Variants in CPED1 observed in about 807,000 individuals in gnomAD.
CPED1 encodes the protein cadherin-like and PC-esterase domain-containing protein 1.
A neutral mutation model predicts 128.2 loss-of-function variants in CPED1; 114 were observed. That is an observed-to-expected ratio of 0.89 (90% CI 0.76 to 1.04). The LOEUF (loss-of-function observed/expected upper bound fraction) is 1.04, where lower values mean the gene tolerates loss of function less well. Among genes scored for constraint, CPED1 ranks in the 50% least tolerant of loss-of-function variants. CPED1 has a pLI of 0.00. For missense variants in CPED1, 1,211 were observed against 1,207.1 expected (o/e 1.00, Z -0.05); for synonymous variants, 462 against 426.7 (o/e 1.08, Z -1.02).
At chr7:121,256,137 A>AAAAAAAAAAAC (rs1791866311) in intron 18 of CPED1, among the ~76,000 whole-genome samples, 1 of 149,276 alleles carries the variant, frequency 6.7e-6, no homozygotes, top group African/African-American at 2.5e-5. Context: ...AACAAAAAAA[A>AAAAAAAAAAAC]AAAACAAAGC....
At chr7:121,116,136 C>G (rs907603878) in intron 7 of CPED1, among the ~76,000 whole-genome samples, 1 of 152,142 alleles carries the variant, frequency 6.6e-6, no homozygotes, top group African/African-American at 2.4e-5. Flanking sequence ...AAGTTTTCAG[C>G]TATGAAACTG....
chr7:121,294,977 A>C (rs1360610579), intron 22 of CPED1, among the ~76,000 whole-genome samples: 5 of 152,084 alleles, frequency 3.3e-5, no homozygotes, highest in African/African-American at 9.7e-5. Context: ...AATGGAAAAA[A>C]ATTTTTTCTT....
intron 7 of CPED1, among the ~76,000 whole-genome samples, chr7:121,107,160 C>T (rs1328642228): frequency 6.6e-6 from 1 of 152,050 alleles, no homozygotes; most frequent in African/African-American, 2.4e-5. Context: ...TGAATTAAGG[C>T]AAAACTCCCT....
At chr7:121,066,109 C>T (rs1044918891) in intron 5 of CPED1, among the ~76,000 whole-genome samples, 8 of 151,918 alleles carry the variant, frequency 5.3e-5, no homozygotes, top group South Asian at 2.1e-4. Flanking sequence ...TAGGTAGTGA[C>T]GTGTCAGCAC....
chr7:121,140,927 C>A lies in CPED1; in HGVS notation c.1800C>A (p.Val600=), dbSNP rs188574653. 1 of 1,612,404 alleles carries A rather than the reference C, an allele frequency of 6.2e-7. No homozygotes were observed. The highest frequency in any genetic ancestry group is 8.5e-7 in the Non-Finnish European group (1 of 1,179,016). ...AGATCAAAGATTATTACTGTGAAGTCCCATTTGATGTGGTAACAGTGACAA... is the reference window on the plus strand; with the variant it reads ...AGATCAAAGATTATTACTGTGAAGTACCATTTGATGTGGTAACAGTGACAA... ...HPKIKDYYCE[V]PFDVVTVTIG... Residue 600 remains valine, a synonymous_variant, in exon 15 of 23, where the codon GTC becomes GTA. Transcript: ENST00000310396.
chr7:121,084,544 G>C (rs1380744633), intron 5 of CPED1, among the ~76,000 whole-genome samples: 1 of 152,188 alleles, frequency 6.6e-6, no homozygotes, highest in Non-Finnish European at 1.5e-5. Context: ...TGCTATTGGT[G>C]ATGTGCCTTT....
intron 7 of CPED1, among the ~76,000 whole-genome samples, chr7:121,118,904 C>A (rs1312960386): frequency 6.6e-6 from 1 of 152,122 alleles, no homozygotes; most frequent in Non-Finnish European, 1.5e-5. Flanking sequence ...AGCACCAAGC[C>A]ACGAGGGATC....
chr7:120,989,264 G>T (rs1309574112), intron 1 of CPED1, 127 bp from the exon 2 acceptor site: 1 of 225,416 alleles, frequency 4.4e-6, no homozygotes, highest in Non-Finnish European at 8.9e-6. Flanking sequence ...GGCAGAGTCG[G>T]ACTCCTTTAC....
chr7:121,292,394 T>A (rs1562864965), intron 22 of CPED1, among the ~76,000 whole-genome samples: 1 of 152,056 alleles, frequency 6.6e-6, no homozygotes, highest in East Asian at 2.0e-4. Flanking sequence ...TCTAAACTCA[T>A]TATTTTAGTT....
intron 16 of CPED1, among the ~76,000 whole-genome samples, chr7:121,209,857 G>T (rs1797605575): frequency 6.6e-6 from 1 of 151,932 alleles, no homozygotes; most frequent in African/African-American, 2.4e-5. Context: ...CTATCCATTT[G>T]ATGAGGAATT....
At chr7:121,179,617 T>G (rs531060144) in intron 16 of CPED1, among the ~76,000 whole-genome samples, 1 of 152,186 alleles carries the variant, frequency 6.6e-6, no homozygotes, top group African/African-American at 2.4e-5. Context: ...TCATTTGATT[T>G]TCTATTGTTT....
intron 16 of CPED1, among the ~76,000 whole-genome samples, chr7:121,155,312 T>C (rs568160444): frequency 6.6e-6 from 1 of 152,262 alleles, no homozygotes; most frequent in Admixed American, 6.5e-5. Context: ...TTCAGTGCAA[T>C]CCCAATTAAA....
At chr7:121,211,729 T>G (rs1391697233) in intron 16 of CPED1, among the ~76,000 whole-genome samples, 1 of 152,024 alleles carries the variant, frequency 6.6e-6, no homozygotes, top group Non-Finnish European at 1.5e-5. Context: ...CAGCATCAGC[T>G]TTTTAAAGTG....
At chr7:121,159,719 T>C (rs1279342801) in intron 16 of CPED1, among the ~76,000 whole-genome samples, 1 of 152,160 alleles carries the variant, frequency 6.6e-6, no homozygotes. Flanking sequence ...GCTAACACTC[T>C]GTTGTTGTAT....
intron 3 of CPED1, among the ~76,000 whole-genome samples, chr7:121,027,165 A>G (rs547105116): frequency 1.5e-4 from 23 of 152,040 alleles, no homozygotes; most frequent in Admixed American, 3.9e-4. Context: ...AGTTCAAATG[A>G]ATGTATGAAA....
At chr7:121,125,489 T>C (rs567696862) in intron 8 of CPED1, among the ~76,000 whole-genome samples, 10 of 152,194 alleles carry the variant, frequency 6.6e-5, no homozygotes, top group Admixed American at 5.9e-4. Flanking sequence ...GGCCCCAGTG[T>C]GTGATGTTCC....
At chr7:121,093,397 T>TATACACACACGC (rs1554433495) in intron 5 of CPED1, among the ~76,000 whole-genome samples, 1 of 145,470 alleles carries the variant, frequency 6.9e-6, no homozygotes. Context: ...CCTTTTTCTG[T>TATACACACACGC]ACACACACAC....
chr7:121,233,363 G>T (rs1407802388), intron 16 of CPED1, among the ~76,000 whole-genome samples: 1 of 151,982 alleles, frequency 6.6e-6, no homozygotes. Context: ...TAGATCTGTG[G>T]CTCCAAGAGA....
intron 16 of CPED1, among the ~76,000 whole-genome samples, chr7:121,198,388 G>A (rs966841178): frequency 6.6e-5 from 10 of 152,076 alleles, no homozygotes; most frequent in African/African-American, 1.9e-4. Context: ...TTGTGCACAT[G>A]CTATGCTTCT....
Sources: allele counts gnomAD v4.1 joint callset (sites outside exome capture counted in the v4.1 genomes callset), GRCh38; gene constraint gnomAD v4.1.1; transcripts MANE v1.5; gene names NCBI Gene and HGNC (gene_info 2026-07-23, HGNC 2026-07-21).